The following GLB1 variants were observed in gnomAD, a reference collection of about 807,000 sequenced individuals.
GLB1 encodes the protein galactosidase beta 1.
In GLB1, 56 loss-of-function variants were observed where a neutral mutation model predicts 74.0. The observed-to-expected ratio is 0.76, with a 90% CI of 0.61 to 0.94. GLB1 has a LOEUF of 0.94. GLB1 is among the 40% of genes least tolerant of loss of function. The pLI is 0.00. For synonymous variants in GLB1, 323 were observed against 323.6 expected, an observed-to-expected ratio of 1.00 and a Z score of 0.02; for missense variants, 787 against 845.5, an observed-to-expected ratio of 0.93 and a Z score of 0.86.
intron 15 of GLB1, among the ~76,000 whole-genome samples, chr3:33,003,034 G>A (rs1039505424): frequency 6.6e-6 from 1 of 152,184 alleles, no homozygotes; most frequent in Non-Finnish European, 1.5e-5. Flanking sequence ...ATACACAGAA[G>A]ATTAATTCTC....
intron 5 of GLB1, among the ~76,000 whole-genome samples, chr3:33,060,647 T>G (rs1699402509): frequency 6.6e-6 from 1 of 152,080 alleles, no homozygotes; most frequent in African/African-American, 2.4e-5. Flanking sequence ...TTATCATCAT[T>G]GTATCATATA....
intron 10 of GLB1, among the ~76,000 whole-genome samples, chr3:33,035,911 G>A (rs532692748): frequency 2.6e-5 from 4 of 152,172 alleles, no homozygotes; most frequent in South Asian, 4.2e-4. Context: ...TATAATTCAA[G>A]CTCCTTAACT....
intron 10 of GLB1, among the ~76,000 whole-genome samples, chr3:33,028,666 ATTTTT>A (rs869252582): frequency 6.8e-6 from 1 of 146,210 alleles, no homozygotes; most frequent in Non-Finnish European, 1.5e-5. Flanking sequence ...TTACCCAAAA[ATTTTT>A]TTTTTTTTTT....
intron 1 of GLB1, chr3:33,092,999 G>A (rs181761509): frequency 1.2e-6 from 2 of 1,614,266 alleles, no homozygotes; most frequent in Non-Finnish European, 1.7e-6. Flanking sequence ...CTACGTTCAA[G>A]GGGAAGATCT....
the GLB1 span, among the ~76,000 whole-genome samples, chr3:32,970,233 G>A: frequency 6.6e-6 from 1 of 152,174 alleles, no homozygotes; most frequent in Non-Finnish European, 1.5e-5. Flanking sequence ...TGGAGTGCAT[G>A]AACCGAACAC....
At chr3:33,082,751 G>A (rs1211186569) in intron 1 of GLB1, among the ~76,000 whole-genome samples, 1 of 152,334 alleles carries the variant, frequency 6.6e-6, no homozygotes, top group East Asian at 1.9e-4. Flanking sequence ...GCCCGGGGCT[G>A]TGTCCACTGC....
intron 13 of GLB1, 124 bp downstream of exon 13, chr3:33,018,324 A>AAAAAAAAAAAGG: frequency 3.2e-6 from 1 of 308,034 alleles, no homozygotes; most frequent in South Asian, 4.1e-5. Flanking sequence ...AAAAAAAAAA[A>AAAAAAAAAAAGG]GATGATGGGT....
intron 1 of GLB1, among the ~76,000 whole-genome samples, chr3:33,083,717 G>A (rs1700407483): frequency 6.6e-6 from 1 of 152,074 alleles, no homozygotes; most frequent in Non-Finnish European, 1.5e-5. Flanking sequence ...CAATACTGGA[G>A]AGAAAAAACC....
chr3:33,065,324 A>C, intron 5 of GLB1, 139 bp downstream of exon 5: 1 of 1,191,516 alleles, frequency 8.4e-7, no homozygotes, highest in Non-Finnish European at 1.2e-6. Flanking sequence ...ATGCAATTGA[A>C]CTAAAAGCAC....
intron 1 of GLB1, among the ~76,000 whole-genome samples, chr3:33,087,833 G>T (rs1039493652): frequency 6.6e-6 from 1 of 151,764 alleles, no homozygotes; most frequent in African/African-American, 2.4e-5. Context: ...TAATATTCCT[G>T]GTGAATATTG....
At chr3:33,001,498 T>A (rs982013474) in intron 15 of GLB1, among the ~76,000 whole-genome samples, 1 of 152,174 alleles carries the variant, frequency 6.6e-6, no homozygotes, top group African/African-American at 2.4e-5. Flanking sequence ...CCCTCCTCCT[T>A]AATGCTGGGC....
the GLB1 span, among the ~76,000 whole-genome samples, chr3:32,981,346 G>A: frequency 1.4e-5 from 2 of 140,066 alleles, no homozygotes; most frequent in African/African-American, 5.3e-5. Flanking sequence ...GTTGCAGTGA[G>A]CCGAGACCGC....
intron 1 of GLB1, chr3:33,092,937 G>A (rs879093456): frequency 1.2e-6 from 2 of 1,614,210 alleles, no homozygotes; most frequent in South Asian, 2.2e-5. Flanking sequence ...CACGAATGTA[G>A]CCTGGGCCAC....
chr3:32,993,460 A>T (rs1007000005), downstream of GLB1, among the ~76,000 whole-genome samples: 2 of 148,216 alleles, frequency 1.3e-5, no homozygotes, highest in Non-Finnish European at 3.0e-5. Context: ...GGCTCAAGTG[A>T]TCCTCCTACC....
intron 5 of GLB1, among the ~76,000 whole-genome samples, chr3:33,064,395 G>T (rs1699578363): frequency 6.9e-6 from 1 of 144,448 alleles, no homozygotes; most frequent in Admixed American, 7.2e-5. Flanking sequence ...AGCCGAGATT[G>T]TGCCACTGCA....
chr3:33,056,572 C>G (rs1699232677), intron 6 of GLB1, among the ~76,000 whole-genome samples: 1 of 152,128 alleles, frequency 6.6e-6, no homozygotes, highest in Non-Finnish European at 1.5e-5. Flanking sequence ...TGCCACCATG[C>G]CTAGCCTGTA....
At chr3:33,063,213 T>C (rs536557780) in intron 5 of GLB1, among the ~76,000 whole-genome samples, 2 of 151,720 alleles carry the variant, frequency 1.3e-5, no homozygotes, top group South Asian at 2.1e-4. Context: ...ACACAGAAAA[T>C]AGGTCACACA....
At chr3:32,996,089 T>C (rs541413459), downstream of GLB1, among the ~76,000 whole-genome samples, 1 of 152,328 alleles carries the variant, frequency 6.6e-6, no homozygotes, top group East Asian at 1.9e-4. Flanking sequence ...CTGTGAGATC[T>C]GGTAAACCGG....
chr3:33,061,370 C>T (rs1346809654), intron 5 of GLB1, among the ~76,000 whole-genome samples: 18 of 152,128 alleles, frequency 1.2e-4, no homozygotes, highest in African/African-American at 3.6e-4. Flanking sequence ...GCAGAGATTG[C>T]GCCACTGGAT....
Sources: gnomAD v4.1 joint callset for allele counts (sites outside exome capture counted in the v4.1 genomes callset) on GRCh38, gnomAD v4.1.1 for gene constraint, MANE v1.5 for transcripts, NCBI Gene and HGNC (gene_info 2026-07-23, HGNC 2026-07-21) for gene names.